Variants in IGFBP2 observed in about 807,000 individuals in gnomAD.
The protein encoded by IGFBP2 is insulin-like growth factor-binding protein 2.
IGFBP2 carries 12 observed loss-of-function variants against 26.2 expected under a neutral mutation model. That is an observed-to-expected ratio of 0.46 (90% CI 0.29 to 0.74). IGFBP2 has a LOEUF of 0.74. IGFBP2 is among the 30% of genes least tolerant of loss of function. The pLI, the probability that IGFBP2 is intolerant of heterozygous loss-of-function variation, is 0.09. For synonymous variants in IGFBP2, 189 were observed against 200.6 expected (o/e 0.94, Z 0.49); for missense variants, 328 against 441.2 (o/e 0.74, Z 2.30).
At chr2:216,663,401 C>CT (rs1688697318) in intron 3 of IGFBP2, 1 of 152,364 alleles carries the variant, frequency 6.6e-6, no homozygotes, top group Non-Finnish European at 1.5e-5. Flanking sequence ...CTTAGCCCAT[C>CT]TGTGCTTCAG....
intron 1 of IGFBP2, among the ~76,000 whole-genome samples, chr2:216,648,759 C>T (rs950813108): frequency 1.3e-5 from 2 of 152,114 alleles, no homozygotes; most frequent in African/African-American, 2.4e-5. Flanking sequence ...CAGGCATGCA[C>T]CACCATGCCT....
intron 1 of IGFBP2, among the ~76,000 whole-genome samples, chr2:216,639,239 TG>T (rs1486871153): frequency 2.6e-5 from 4 of 152,096 alleles, no homozygotes; most frequent in African/African-American, 9.7e-5. Flanking sequence ...TTTACCATGT[TG>T]GCCAGGTTGG....
chr2:216,655,232 G>C (rs986012961), intron 1 of IGFBP2, among the ~76,000 whole-genome samples: 2 of 152,016 alleles, frequency 1.3e-5, no homozygotes, highest in African/African-American at 4.8e-5. Context: ...TTTTAGCAGA[G>C]ACAAGGTGAT....
intron 1 of IGFBP2, among the ~76,000 whole-genome samples, chr2:216,649,396 T>A (rs1282421491): frequency 6.6e-6 from 1 of 152,250 alleles, no homozygotes; most frequent in East Asian, 1.9e-4. Context: ...ACCATTTTTG[T>A]ACATGTGTCC....
At chr2:216,639,389 A>G (rs2372848) in intron 1 of IGFBP2, among the ~76,000 whole-genome samples, 132,658 of 151,956 alleles carry the variant, frequency 0.87, 58,517 homozygotes, top group East Asian at 0.98. Flanking sequence ...ACCAAAGGGA[A>G]TGGAGAACAG....
At chr2:216,662,245 C>T (rs1366141383) in intron 3 of IGFBP2, 82 of 546,372 alleles carry the variant, frequency 1.5e-4, no homozygotes, top group Non-Finnish European at 2.3e-5. Context: ...CACTTGGAGT[C>T]CAGGTTGGGA....
Position 216,661,930 on chromosome 2 carries a change from C to T in IGFBP2, c.745C>T (p.Pro249Ser). The T allele has an allele frequency of 6.2e-7, 1 of 1,614,230 alleles. No individual in the cohort carries two copies. Among genetic ancestry groups the T allele is most frequent in the East Asian group, 2.2e-5 (1 of 44,880 alleles). ...STMRLPDERG[P>S]LEHLYSLHIP... ...CATGCGCCTTCCGGATGAGCGGGGC[C>T]CTCTGGAGCACCTCTACTCCCTGCA... The change falls in exon 3 of 4, where the codon CCT (proline) becomes TCT (serine). Residue 249 changes from proline to serine, a missense_variant. Physicochemically the swap from Pro to Ser is moderately conservative, Grantham distance 74. Coordinates refer to ENST00000233809, the MANE Select transcript of IGFBP2 (RefSeq NM_000597.3).
chr2:216,656,119 C>T (rs920292516), intron 1 of IGFBP2, among the ~76,000 whole-genome samples: 13 of 152,100 alleles, frequency 8.5e-5, no homozygotes, highest in South Asian at 4.1e-4. Flanking sequence ...TCTGTGTGTG[C>T]CCCTCTCCTT....
chr2:216,641,322 A>G (rs746332213), intron 1 of IGFBP2, among the ~76,000 whole-genome samples: 11 of 152,356 alleles, frequency 7.2e-5, no homozygotes, highest in South Asian at 4.1e-4. Context: ...GTGGTCTACC[A>G]TGTACTAATC....
intron 1 of IGFBP2, among the ~76,000 whole-genome samples, chr2:216,652,134 C>G (rs1006323982): frequency 2.6e-5 from 4 of 151,054 alleles, no homozygotes; most frequent in African/African-American, 9.7e-5. Context: ...GTAAAAATAC[C>G]ATGTCTTGTT....
chr2:216,647,920 A>C (rs185144847), intron 1 of IGFBP2, among the ~76,000 whole-genome samples: 1 of 152,288 alleles, frequency 6.6e-6, no homozygotes, highest in African/African-American at 2.4e-5. Context: ...TCCCGGGCTC[A>C]AGCCATCCTC....
intron 3 of IGFBP2, chr2:216,662,276 A>G (rs1574569499): frequency 2.1e-6 from 1 of 484,654 alleles, no homozygotes; most frequent in Middle Eastern, 5.8e-4. Context: ...GGAGAAGGGA[A>G]GTGGCTTAAA....
Position 216,660,539 on chromosome 2 carries a change from C to A in IGFBP2, c.443-18C>A, listed in dbSNP as rs767042964. ...GGAAACTGGACCTGGAGCTTTTCTT[C>A]CCTTCCTCTCTTGGCAGACAATGGC... On this transcript the variant is annotated intron_variant, in intron 1 of 3. Coordinates refer to ENST00000233809, the MANE Select transcript of IGFBP2 (RefSeq NM_000597.3). 4 of 1,568,488 alleles carry A rather than the reference C, an allele frequency of 2.6e-6. No homozygotes were observed. Among genetic ancestry groups the A allele is most frequent in the Non-Finnish European group, 2.6e-6 (3 of 1,153,948 alleles).
intron 1 of IGFBP2, among the ~76,000 whole-genome samples, chr2:216,637,678 G>C (rs905861322): frequency 9.2e-5 from 14 of 152,332 alleles, no homozygotes; most frequent in African/African-American, 3.1e-4. Context: ...GTTAGAATAG[G>C]TGGTAGAGCC....
At chr2:216,661,010 C>T in intron 2 of IGFBP2, 1 of 572,936 alleles carries the variant, frequency 1.7e-6, no homozygotes, top group South Asian at 2.1e-5. Context: ...TTCTTTCCTT[C>T]TAAAACCTTC....
At chr2:216,662,076 C>A in intron 3 of IGFBP2, 78 bp downstream of exon 3, 1 of 1,501,696 alleles carries the variant, frequency 6.7e-7, no homozygotes, top group Non-Finnish European at 9.1e-7. Flanking sequence ...TCTGCCCCAC[C>A]CGCCTATGAT....
At chr2:216,661,304 A>G (rs765133473) in intron 2 of IGFBP2, 54 of 262,060 alleles carry the variant, frequency 2.1e-4, no homozygotes, top group South Asian at 3.6e-4. Flanking sequence ...GGGTCTCACT[A>G]TGTTGTCCAG....
chr2:216,635,579 G>T (rs1167584973), intron 1 of IGFBP2, among the ~76,000 whole-genome samples: 1 of 148,432 alleles, frequency 6.7e-6, no homozygotes, highest in Non-Finnish European at 1.5e-5. Flanking sequence ...AATAAAGTGT[G>T]TGATGCCTTT....
chr2:216,637,119 T>C (rs542619282), intron 1 of IGFBP2, among the ~76,000 whole-genome samples: 1 of 152,328 alleles, frequency 6.6e-6, no homozygotes, highest in Admixed American at 6.5e-5. Flanking sequence ...ATTTGCATAC[T>C]GAGTTCAAAG....
Sources: gnomAD v4.1 joint callset for allele counts (sites outside exome capture counted in the v4.1 genomes callset) on GRCh38, gnomAD v4.1.1 for gene constraint, MANE v1.5 for transcripts, NCBI Gene and HGNC (gene_info 2026-07-23, HGNC 2026-07-21) for gene names.